Variants in SLC22A2 observed in about 807,000 individuals in gnomAD.
The protein encoded by SLC22A2 is organic cation transporter 2.
SLC22A2 carries 46 observed loss-of-function variants against 60.5 expected under a neutral mutation model. That is an observed-to-expected ratio of 0.76 (90% CI 0.60 to 0.97). SLC22A2 has a LOEUF of 0.97. Among genes scored for constraint, SLC22A2 ranks in the 50% least tolerant of loss-of-function variants. SLC22A2 has a pLI of 0.00. For synonymous variants in SLC22A2, 303 were observed against 267.0 expected (o/e 1.13, Z -1.31); for missense variants, 701 against 706.6 (o/e 0.99, Z 0.09).
chr6:160,256,661 A>G lies in SLC22A2; in HGVS notation c.471T>C (p.Asn157=), dbSNP rs765028861. 2 of 1,614,026 alleles carry G rather than the reference A, an allele frequency of 1.2e-6. No individual in the cohort carries two copies. Among genetic ancestry groups the G allele is most frequent in the East Asian group, 4.5e-5 (2 of 44,892 alleles). ...TCATAGAGCCAATAAAGAATCCTACATTCACTGATGACTGGAATAGGTCCA... is the reference window on the plus strand; with the variant it reads ...TCATAGAGCCAATAAAGAATCCTACGTTCACTGATGACTGGAATAGGTCCA... ...WMLDLFQSSV[N]VGFFIGSMSI... is the part of the protein sequence containing the mutation. Residue 157 remains asparagine, a synonymous_variant, in exon 2 of 11, where the codon AAT becomes AAC. Transcript: ENST00000366953.
chr6:160,225,721 T>C (rs1260942112), intron 9 of SLC22A2, among the ~76,000 whole-genome samples: 1 of 152,226 alleles, frequency 6.6e-6, no homozygotes, highest in African/African-American at 2.4e-5. Context: ...CCTAAAGGTT[T>C]CTCTATACAT....
In SLC22A2 at chr6:160,246,886, C is replaced by T. The variant is rs543128023; in HGVS notation, c.957+298G>A. 9.8e-5 allele frequency among the ~76,000 whole-genome samples: 15 copies of T among 152,306 alleles called. 1 individual carries two copies. In the South Asian group the frequency reaches 3.1e-3, roughly 32 times the overall value. ...ATGCAGATGATGGGGGTGCTGGGCA[C>T]CTGGGCATAGGAGACTGGTGAAGGC... On this transcript the variant is annotated intron_variant, in intron 5 of 10. Transcript: ENST00000366953.
Position 160,256,610 on chromosome 6 carries a change from C to T in SLC22A2, c.518+4G>A. The T allele has an allele frequency of 1.3e-6, 2 of 1,592,110 alleles. No individual in the cohort carries two copies. Among genetic ancestry groups the T allele is most frequent in the Non-Finnish European group, 1.7e-6 (2 of 1,159,972 alleles). ...TAAATTCCACCACAGGTGATTCAAC[C>T]TACCTGTCTGCTATGTAGCCGATAC... On this transcript the variant is annotated splice_donor_region_variant and intron_variant, in intron 2 of 10. Transcript: ENST00000366953.
intron 9 of SLC22A2, among the ~76,000 whole-genome samples, chr6:160,240,981 G>A (rs764519518): frequency 2.0e-5 from 3 of 152,112 alleles, no homozygotes; most frequent in Admixed American, 6.6e-5. Context: ...CTTAATGTGG[G>A]TCTTTATTTC....
intron 4 of SLC22A2, among the ~76,000 whole-genome samples, 160 bp from the exon 5 acceptor site, chr6:160,247,458 T>C (rs767544890): frequency 2.0e-5 from 3 of 151,888 alleles, no homozygotes; most frequent in African/African-American, 4.8e-5. Context: ...CTCCCTCAAA[T>C]GCTAAATCCC....
chr6:160,258,750 G>C lies in SLC22A2; in HGVS notation c.8C>G (p.Thr3Ser). 6.4e-7 allele frequency: 1 copy of C among 1,553,890 alleles called. No individual in the cohort carries two copies. The highest frequency in any genetic ancestry group is 8.7e-7 in the Non-Finnish European group (1 of 1,147,828). Residue 3 changes from threonine (T) to serine (S), a missense_variant, in exon 1 of 11, where the codon ACC becomes AGC. Physicochemically the swap from Thr to Ser is moderately conservative, Grantham distance 58 (BLOSUM62 1). Transcript: ENST00000366953. The stretch of plus-strand genomic sequence containing the variant: ...ATGCTCCAGGACATCGTCCACGGTG[G>C]TGGGCATGATCCTGCAGGCAGGAGG... MP[T>S]TVDDVLEHGG...
intron 9 of SLC22A2, among the ~76,000 whole-genome samples, chr6:160,233,296 G>A (rs960970574): frequency 4.6e-5 from 7 of 151,732 alleles, no homozygotes; most frequent in East Asian, 1.9e-4. Flanking sequence ...ATAATTCCTC[G>A]TTTTGGCCTT....
Position 160,249,134 on chromosome 6 carries a change from G to T in SLC22A2, c.842+82C>A. On this transcript the variant is annotated intron_variant, in intron 4 of 10. Coordinates refer to ENST00000366953, the MANE Select transcript of SLC22A2 (RefSeq NM_003058.4). ...GTGAAAGCAATCTCAGAATCAGAAA[G>T]ATAGTGTGCATTAAGGAAGGCAGAC... The T allele has an allele frequency of 4.4e-6, 4 of 918,160 alleles. No individual in the cohort carries two copies. In the South Asian group the frequency reaches 7.0e-5, roughly 16 times the overall value. 56.9% of individuals were successfully genotyped at this position (918,160 alleles called of 1,614,324 possible).
At chr6:160,231,130 C>G (rs1782817475) in intron 9 of SLC22A2, among the ~76,000 whole-genome samples, 1 of 151,940 alleles carries the variant, frequency 6.6e-6, no homozygotes, top group South Asian at 2.1e-4. Flanking sequence ...GCCTCCATAA[C>G]TGTTGTGGGT....
At chr6:160,245,628 AC>A in intron 5 of SLC22A2, 83 bp from the exon 6 acceptor site, 2 of 717,834 alleles carry the variant, frequency 2.8e-6, no homozygotes, top group South Asian at 4.4e-5. Context: ...ATAATTTCTT[AC>A]CGTCCTGAGC....
At chr6:160,226,890 C>T (rs78359938) in intron 9 of SLC22A2, among the ~76,000 whole-genome samples, 2,723 of 152,132 alleles carry the variant, frequency 0.018, 103 homozygotes, top group African/African-American at 0.063. Context: ...TACCCTCTCC[C>T]TTTTGGAGTT....
intron 7 of SLC22A2, among the ~76,000 whole-genome samples, chr6:160,243,273 T>C (rs974614534): frequency 2.0e-5 from 3 of 152,138 alleles, no homozygotes; most frequent in Admixed American, 6.5e-5. Context: ...AGTAAGACCT[T>C]GACCTGGGCC....
intron 9 of SLC22A2, among the ~76,000 whole-genome samples, chr6:160,229,412 C>G (rs949040014): frequency 6.6e-5 from 10 of 151,944 alleles, no homozygotes; most frequent in African/African-American, 1.5e-4. Flanking sequence ...GGATGCCTGC[C>G]TGATTATTTA....
intron 9 of SLC22A2, among the ~76,000 whole-genome samples, chr6:160,231,173 T>G (rs1315657290): frequency 6.6e-6 from 1 of 151,798 alleles, no homozygotes; most frequent in Non-Finnish European, 1.5e-5. Context: ...CCCTTAAAAT[T>G]CCCCCACTCT....
In SLC22A2 at chr6:160,241,567, A is replaced by G. The variant is rs1412336655; in HGVS notation, c.1408T>C (p.Cys470Arg). The change falls in exon 9 of 11, where the codon TGT becomes CGT. Residue 470 changes from cysteine to arginine, a missense_variant. Coordinates refer to ENST00000366953, the MANE Select transcript of SLC22A2 (RefSeq NM_003058.4). ...CCACCAATGTCACACATTGAGGAACAGATGTGGACGCCAAGATTCCTAGAA... is the reference window on the plus strand; with the variant it reads ...CCACCAATGTCACACATTGAGGAACGGATGTGGACGCCAAGATTCCTAGAA... ...TFIRNLGVHI[C>R]SSMCDIGGII... 3 of 1,612,882 alleles carry G rather than the reference A, an allele frequency of 1.9e-6. No individual in the cohort carries two copies. In the African/African-American group the frequency reaches 4.0e-5, roughly 21 times the overall value.
At chr6:160,239,907 G>A (rs1326524788) in intron 9 of SLC22A2, among the ~76,000 whole-genome samples, 2 of 152,160 alleles carry the variant, frequency 1.3e-5, no homozygotes, top group African/African-American at 4.8e-5. Context: ...CAGATCTAGA[G>A]TGGTGGAAAA....
At chr6:160,228,855 C>A (rs566201023) in intron 9 of SLC22A2, among the ~76,000 whole-genome samples, 2 of 151,860 alleles carry the variant, frequency 1.3e-5, no homozygotes, top group South Asian at 4.2e-4. Context: ...GTGTCCCCCA[C>A]CCCTGCCCAC....
intron 4 of SLC22A2, 36 bp from the exon 5 acceptor site, chr6:160,247,334 G>T: frequency 1.9e-6 from 2 of 1,080,494 alleles, no homozygotes; most frequent in South Asian, 2.5e-5. Context: ...AACTCTTACT[G>T]AATCCTCCTT....
intron 6 of SLC22A2, 38 bp downstream of exon 6, chr6:160,245,401 C>A: frequency 8.4e-7 from 1 of 1,187,822 alleles, no homozygotes. Context: ...GTGATTAAAA[C>A]AATTTGGAGG....
Sources: allele counts gnomAD v4.1 joint callset (sites outside exome capture counted in the v4.1 genomes callset), GRCh38; gene constraint gnomAD v4.1.1; transcripts MANE v1.5; gene names NCBI Gene and HGNC (gene_info 2026-07-23, HGNC 2026-07-21).